Variants in CHN1 observed in about 807,000 individuals in gnomAD.
CHN1 encodes chimerin 1.
CHN1 carries 37 observed loss-of-function variants against 59.5 expected under a neutral mutation model. The observed-to-expected ratio is 0.62, with a 90% CI of 0.48 to 0.82. The LOEUF (loss-of-function observed/expected upper bound fraction) is 0.82, where lower values mean the gene tolerates loss of function less well. CHN1 is among the 40% of genes least tolerant of loss of function. The pLI is 0.00. For missense variants in CHN1, 469 were observed against 571.0 expected, an observed-to-expected ratio of 0.82 and a Z score of 1.82; for synonymous variants, 206 against 200.4, an observed-to-expected ratio of 1.03 and a Z score of -0.24.
chr2:174,955,184 CTA>C (rs368644554), intron 1 of CHN1, among the ~76,000 whole-genome samples: 399 of 82,718 alleles, frequency 4.8e-3, no homozygotes, highest in South Asian at 0.02. Flanking sequence ...ATATCTATAT[CTA>C]TATATATATA....
intron 11 of CHN1, among the ~76,000 whole-genome samples, chr2:174,806,436 A>G (rs78848008): frequency 0.014 from 2,136 of 152,258 alleles, 43 homozygotes; most frequent in African/African-American, 0.049. Context: ...CTGAGAGAGA[A>G]AAAAAATTTT....
chr2:174,899,237 T>C (rs79161275), intron 5 of CHN1, among the ~76,000 whole-genome samples: 303 of 152,240 alleles, frequency 2.0e-3, no homozygotes, highest in Non-Finnish European at 3.4e-3. Flanking sequence ...ACGATACATA[T>C]GAATTAGAAA....
chr2:174,872,275 C>A (rs1188718504), intron 6 of CHN1, among the ~76,000 whole-genome samples: 1 of 152,046 alleles, frequency 6.6e-6, no homozygotes, highest in Non-Finnish European at 1.5e-5. Flanking sequence ...TGAAGTGAGA[C>A]CCCACCTCAA....
At chr2:174,924,040 A>G (rs1689093941) in intron 3 of CHN1, among the ~76,000 whole-genome samples, 1 of 152,168 alleles carries the variant, frequency 6.6e-6, no homozygotes, top group African/African-American at 2.4e-5. Flanking sequence ...GGATCACAAT[A>G]TACTACCCTA....
At chr2:174,810,736 C>T (rs1685043359) in intron 10 of CHN1, among the ~76,000 whole-genome samples, 1 of 152,168 alleles carries the variant, frequency 6.6e-6, no homozygotes, top group Non-Finnish European at 1.5e-5. Flanking sequence ...TGCTTTCTGC[C>T]TCTGTTGCCT....
intron 3 of CHN1, among the ~76,000 whole-genome samples, chr2:174,937,064 C>T (rs1465163402): frequency 6.6e-6 from 1 of 152,124 alleles, no homozygotes; most frequent in East Asian, 1.9e-4. Flanking sequence ...GATTTTCTGT[C>T]AAATTATTTA....
chr2:174,907,615 T>G (rs554985703), intron 5 of CHN1, among the ~76,000 whole-genome samples: 2 of 147,394 alleles, frequency 1.4e-5, no homozygotes, highest in East Asian at 2.0e-4. Flanking sequence ...CTCTTTTGGT[T>G]TTTTTTTTTT....
chr2:174,872,874 T>C (rs558196777), intron 6 of CHN1, among the ~76,000 whole-genome samples: 2 of 152,278 alleles, frequency 1.3e-5, no homozygotes, highest in South Asian at 2.1e-4. Flanking sequence ...ATGCTTCACA[T>C]TTACTAGGAA....
rs561190820 is a variant in CHN1, at chr2:174,920,209, A to AT, written c.115-1645dup. ...ATTCCATTATGTATATATACACCAC[A>AT]TTTTTTTTATCCATTCATTCACTGA... On this transcript the variant is annotated intron_variant, in intron 3 of 12. Coordinates refer to ENST00000409900, the MANE Select transcript of CHN1 (RefSeq NM_001822.7). 4.9e-4 allele frequency among the ~76,000 whole-genome samples: 75 copies of AT among 151,994 alleles called. No homozygotes were observed. In the South Asian group the frequency reaches 0.011, roughly 23 times the overall value.
At chr2:174,935,367 A>G (rs1253541052) in intron 3 of CHN1, among the ~76,000 whole-genome samples, 1 of 152,236 alleles carries the variant, frequency 6.6e-6, no homozygotes, top group African/African-American at 2.4e-5. Flanking sequence ...CATACATGTG[A>G]CAGAAAGAAC....
chr2:174,913,917 A>G (rs1325241188), intron 5 of CHN1, among the ~76,000 whole-genome samples: 1 of 152,262 alleles, frequency 6.6e-6, no homozygotes, highest in Non-Finnish European at 1.5e-5. Flanking sequence ...TCTGCTTTTA[A>G]GTCTTTTCCA....
At chr2:174,859,444 T>C (rs1443269769) in intron 6 of CHN1, among the ~76,000 whole-genome samples, 1 of 152,152 alleles carries the variant, frequency 6.6e-6, no homozygotes, top group Non-Finnish European at 1.5e-5. Context: ...AGAAGTAATC[T>C]GTGAGGTAAC....
rs544428648 is a variant in CHN1 at position 174,845,457 on chromosome 2, C to T, written c.627+1423G>A. On this transcript the variant is annotated intron_variant, in intron 7 of 12. Coordinates refer to ENST00000409900, the MANE Select transcript of CHN1 (RefSeq NM_001822.7). ...GCAAAAAGAAACTGAGGCCTAGAAG[C>T]CTGAATGTATTGCTTAGGTTCCTAA... Among the ~76,000 whole-genome samples, 193 of 152,028 alleles carry T rather than the reference C, an allele frequency of 1.3e-3. 1 individual carries two copies. The highest frequency in any genetic ancestry group is 4.5e-3 in the African/African-American group (187 of 41,478).
chr2:174,852,375 G>T (rs183217355), intron 6 of CHN1, among the ~76,000 whole-genome samples: 159 of 152,270 alleles, frequency 1.0e-3, no homozygotes, highest in Non-Finnish European at 1.7e-3. Context: ...GCTAACCAAG[G>T]AGGTGAAAGA....
At chr2:175,004,072 T>C (rs1416081588) in intron 1 of CHN1, among the ~76,000 whole-genome samples, 1 of 151,252 alleles carries the variant, frequency 6.6e-6, no homozygotes, top group Non-Finnish European at 1.5e-5. Context: ...TCAAAAAAGC[T>C]GAATACTTTG....
intron 7 of CHN1, among the ~76,000 whole-genome samples, chr2:174,839,016 T>TA (rs780663866): frequency 0.028 from 3,911 of 142,214 alleles, 151 homozygotes; most frequent in African/African-American, 0.09. Flanking sequence ...GACTCTGTCT[T>TA]AAAAAAAAAA....
At chr2:174,887,053 T>C (rs1558967756) in intron 5 of CHN1, among the ~76,000 whole-genome samples, 2 of 152,184 alleles carry the variant, frequency 1.3e-5, no homozygotes, top group Admixed American at 1.3e-4. Flanking sequence ...ATTTTCTATT[T>C]TATATAAATG....
chr2:174,891,499 G>A (rs911161566), intron 5 of CHN1, among the ~76,000 whole-genome samples: 3 of 151,414 alleles, frequency 2.0e-5, no homozygotes, highest in Admixed American at 6.6e-5. Flanking sequence ...AACCCGGGAG[G>A]TGGAAGTTGC....
chr2:174,836,972 G>A (rs1443566705), intron 7 of CHN1: 4 of 152,180 alleles, frequency 2.6e-5, no homozygotes, highest in African/African-American at 9.7e-5. Flanking sequence ...CAGGGTTCTG[G>A]TGGCATTTTA....
Sources: allele counts gnomAD v4.1 joint callset (sites outside exome capture counted in the v4.1 genomes callset), GRCh38; gene constraint gnomAD v4.1.1; transcripts MANE v1.5; gene names NCBI Gene and HGNC (gene_info 2026-07-23, HGNC 2026-07-21).